The following ARMH3 variants were observed in gnomAD, a reference collection of about 807,000 sequenced individuals.
ARMH3 encodes the protein armadillo like helical domain containing 3, also known as armadillo-like helical domain-containing protein 3.
A neutral mutation model predicts 99.1 loss-of-function variants in ARMH3; 60 were observed. The observed-to-expected ratio is 0.61, with a 90% CI of 0.49 to 0.75. The LOEUF is 0.75. Ranked by LOEUF, ARMH3 falls within the 30% of genes least tolerant of loss-of-function variation. The pLI is 0.00. For missense variants in ARMH3, 679 were observed against 843.1 expected (o/e 0.81, Z 2.41); for synonymous variants, 285 against 292.8 (o/e 0.97, Z 0.27).
At chr10:101,983,433 T>C (rs1846319232) in intron 19 of ARMH3, among the ~76,000 whole-genome samples, 1 of 152,064 alleles carries the variant, frequency 6.6e-6, no homozygotes, top group South Asian at 2.1e-4. Flanking sequence ...AAGCACACAC[T>C]ACCACACCTA....
At chr10:101,930,336 C>T (rs1179725001) in intron 23 of ARMH3, among the ~76,000 whole-genome samples, 2 of 151,596 alleles carry the variant, frequency 1.3e-5, no homozygotes, top group Non-Finnish European at 2.9e-5. Context: ...AGAGTATCTA[C>T]AAAAAAAGTT....
intron 25 of ARMH3, 33 bp from the exon 26 acceptor site, chr10:101,847,653 C>T (rs753163382): frequency 1.3e-6 from 2 of 1,594,864 alleles, no homozygotes; most frequent in East Asian, 2.2e-5. Flanking sequence ...GGTGGGAGGG[C>T]GCAGCCAGAG....
chr10:102,041,090 A>ATATATAT (rs1554897209), intron 1 of ARMH3, among the ~76,000 whole-genome samples: 2 of 132,642 alleles, frequency 1.5e-5, no homozygotes, highest in Non-Finnish European at 3.3e-5. Context: ...ATATATATAT[A>ATATATAT]ATATATATAT....
At chr10:101,910,027 T>G (rs1468408359) in intron 23 of ARMH3, among the ~76,000 whole-genome samples, 1 of 152,220 alleles carries the variant, frequency 6.6e-6, no homozygotes, top group East Asian at 1.9e-4. Flanking sequence ...TAGACCTTGT[T>G]GCAAAAACGC....
chr10:101,992,016 G>A lies in ARMH3; in HGVS notation c.1298C>T (p.Ala433Val), dbSNP rs768002029. The A allele has an allele frequency of 1.2e-6, 2 of 1,614,124 alleles. No homozygotes were observed. The highest frequency in any genetic ancestry group is 2.2e-5 in the South Asian group (2 of 91,088). ...ACGGCAGGGAAGATTCTTGTCTGCT[G>A]CCTTCTTCCTGTGTCTCATAGGCTT... ...HRMPMRHRKK[A>V]ADKNLPCRPL... The change falls in exon 18 of 26, where the codon GCA becomes GTA. Residue 433 changes from alanine to valine, a missense_variant. Ala to Val is a moderately conservative substitution (Grantham distance 64). Around this residue, in one of 3 missense-constraint regions of ARMH3, gnomAD observed 389 missense variants for 456.5 expected, o/e 0.85. Transcript: ENST00000370033.
chr10:101,949,176 TA>T (rs1362986339), intron 22 of ARMH3, among the ~76,000 whole-genome samples: 2 of 151,440 alleles, frequency 1.3e-5, no homozygotes, highest in Admixed American at 6.6e-5. Context: ...GCTTGCACCC[TA>T]AAAAACTAGC....
chr10:101,856,417 C>T (rs949755843), intron 24 of ARMH3, among the ~76,000 whole-genome samples: 1 of 152,122 alleles, frequency 6.6e-6, no homozygotes, highest in Admixed American at 6.5e-5. Flanking sequence ...TCTTCAGGCT[C>T]GGGGCGGGGT....
intron 23 of ARMH3, among the ~76,000 whole-genome samples, chr10:101,925,900 G>A (rs1436593653): frequency 6.6e-6 from 1 of 152,142 alleles, no homozygotes; most frequent in African/African-American, 2.4e-5. Flanking sequence ...AACAGAGCAA[G>A]ACTCCCTCTC....
In ARMH3 at chr10:102,023,368, T is replaced by C. The variant is rs563321878; in HGVS notation, c.669+109A>G. The C allele has an allele frequency of 6.3e-6, 6 of 947,464 alleles. No homozygotes were observed. The African/African-American group carries it at 8.2e-5, about 13-fold the overall frequency. 58.7% of individuals were successfully genotyped at this position (947,464 alleles called of 1,614,324 possible). A position where few individuals can be genotyped will look rare whatever the true frequency, so the allele number is the denominator to read the frequency against. ...AATCTGGATTATCAAAATTAATCAA[T>C]ATACCATTTACCAAGAACGTCTTCT... On this transcript the variant is annotated intron_variant, in intron 8 of 25. Coordinates refer to ENST00000370033, the MANE Select transcript of ARMH3 (RefSeq NM_024541.3).
intron 19 of ARMH3, among the ~76,000 whole-genome samples, chr10:101,977,651 G>A (rs1268443078): frequency 1.3e-5 from 2 of 152,218 alleles, no homozygotes; most frequent in East Asian, 3.8e-4. Context: ...TTTAAGAGGT[G>A]ACTGGGTCAT....
At chr10:101,980,868 A>G (rs761617358) in intron 19 of ARMH3, among the ~76,000 whole-genome samples, 9 of 152,234 alleles carry the variant, frequency 5.9e-5, no homozygotes, top group Non-Finnish European at 1.0e-4. Flanking sequence ...ACCATGAAAT[A>G]CTATGCAGCC....
chr10:102,007,028 G>GTGCA (rs1352056627), intron 13 of ARMH3, among the ~76,000 whole-genome samples: 1 of 151,742 alleles, frequency 6.6e-6, no homozygotes, highest in African/African-American at 2.4e-5. Context: ...AGGCATGGTG[G>GTGCA]TGCATGCCTG....
At chr10:102,034,811 G>A (rs1012197540) in intron 2 of ARMH3, among the ~76,000 whole-genome samples, 7 of 152,094 alleles carry the variant, frequency 4.6e-5, no homozygotes, top group Non-Finnish European at 1.0e-4. Flanking sequence ...GGGAGGCTGA[G>A]GCAGGAGAAT....
intron 24 of ARMH3, among the ~76,000 whole-genome samples, chr10:101,870,325 C>G (rs2067104457): frequency 6.6e-6 from 1 of 152,102 alleles, no homozygotes; most frequent in Non-Finnish European, 1.5e-5. Flanking sequence ...AAGTAGTAAA[C>G]TGACTATTCC....
chr10:102,040,552 G>A (rs1307569899), intron 1 of ARMH3, among the ~76,000 whole-genome samples: 1 of 152,336 alleles, frequency 6.6e-6, no homozygotes, highest in South Asian at 2.1e-4. Flanking sequence ...AAACAACCAT[G>A]CTACAGAGCT....
intron 23 of ARMH3, among the ~76,000 whole-genome samples, chr10:101,920,757 A>C: frequency 6.6e-6 from 1 of 152,236 alleles, no homozygotes; most frequent in African/African-American, 2.4e-5. Context: ...GGTCACCAAC[A>C]GATAACTGGA....
chr10:101,970,192 C>T (rs1845706888), intron 20 of ARMH3, among the ~76,000 whole-genome samples: 1 of 152,178 alleles, frequency 6.6e-6, no homozygotes, highest in South Asian at 2.1e-4. Context: ...TGCTTAATGG[C>T]TTAGAAACCA....
intron 2 of ARMH3, among the ~76,000 whole-genome samples, chr10:102,036,360 C>A (rs2067271135): frequency 1.3e-5 from 2 of 152,104 alleles, no homozygotes; most frequent in Admixed American, 1.3e-4. Flanking sequence ...CGGCCACCAC[C>A]CCGTCTGGGA....
At chr10:101,916,520 A>G (rs1425132118) in intron 23 of ARMH3, among the ~76,000 whole-genome samples, 1 of 152,226 alleles carries the variant, frequency 6.6e-6, no homozygotes, top group Non-Finnish European at 1.5e-5. Flanking sequence ...TATGGTCAGA[A>G]GTTGAATCTC....
Sources: gnomAD v4.1 joint callset for allele counts (sites outside exome capture counted in the v4.1 genomes callset) on GRCh38, gnomAD v4.1.1 for gene constraint, gnomAD v4.1.1 regional missense constraint, MANE v1.5 for transcripts, NCBI Gene and HGNC (gene_info 2026-07-23, HGNC 2026-07-21) for gene names.